C10orf105: variants seen among roughly 807,000 people sequenced by gnomAD.
The protein encoded by C10orf105 is chromosome 10 open reading frame 105.
C10orf105 carries 2 observed loss-of-function variants against 0.6 expected under a neutral mutation model. The observed-to-expected ratio is 3.18, with a 90% CI of 1.30 to 10.01. C10orf105 has a LOEUF of 10.01. C10orf105 is among the 30% of genes most tolerant of loss of function. The probability of loss-of-function intolerance (pLI) is 0.04; values close to 1 mark genes in which losing one functional copy is unlikely to be tolerated. For missense variants in C10orf105, 209 were observed against 191.4 expected, an observed-to-expected ratio of 1.09 and a Z score of -0.54; for synonymous variants, 95 against 82.4, an observed-to-expected ratio of 1.15 and a Z score of -0.83.
At chr10:71,718,094 G>C (rs1014458160) in intron 1 of C10orf105, among the ~76,000 whole-genome samples, 1 of 152,122 alleles carries the variant, frequency 6.6e-6, no homozygotes, top group South Asian at 2.1e-4. Flanking sequence ...TTTTCATGAG[G>C]GTGGGGGATA....
upstream of C10orf105, among the ~76,000 whole-genome samples, chr10:71,723,119 A>G (rs542150920): frequency 1.3e-5 from 2 of 152,288 alleles, no homozygotes; most frequent in South Asian, 4.1e-4. Context: ...TGGTGAGACA[A>G]GAAGGGGCAG....
Position 71,714,209 on chromosome 10 carries a change from GGA to G in C10orf105, c.*1725_*1726del, listed in dbSNP as rs1186240543. The G allele has an allele frequency of 6.6e-6, 1 of 152,084 alleles. No homozygotes were observed. Among genetic ancestry groups the G allele is most frequent in the Non-Finnish European group, 1.5e-5 (1 of 68,016 alleles). 9.4% of individuals were successfully genotyped at this position (152,084 alleles called of 1,614,324 possible). A position where few individuals can be genotyped will look rare whatever the true frequency, so the allele number is the denominator to read the frequency against. On this transcript the variant is annotated 3_prime_UTR_variant, in exon 2 of 2. Transcript: ENST00000441508. ...TGGGCTTCTCCAATAGAGCCTGCTT[GGA>G]GAGAAATCTTTCTAGAGTCATCTGA...
rs184383942 is a variant in C10orf105 at position 71,713,480 on chromosome 10, G to A, written c.*2456C>T. On this transcript the variant is annotated 3_prime_UTR_variant, in exon 2 of 2. Coordinates refer to ENST00000441508, the MANE Select transcript of C10orf105 (RefSeq NM_001164375.3). ...GCCTGCCCACTGGGGCAGGCTCCCG[G>A]GCTTGGGAGGGACAGAAGCGTGGGA... is the stretch of plus-strand genomic sequence containing the variant. 5.2e-5 allele frequency: 30 copies of A among 577,568 alleles called. No homozygotes were observed. Among genetic ancestry groups the A allele is most frequent in the African/African-American group, 7.5e-5 (4 of 53,408 alleles). 35.8% of individuals were successfully genotyped at this position (577,568 alleles called of 1,614,324 possible). A position where few individuals can be genotyped will look rare whatever the true frequency, so the allele number is the denominator to read the frequency against.
intron 1 of C10orf105, chr10:71,717,952 C>G (rs948984040): frequency 6.6e-6 from 1 of 152,190 alleles, no homozygotes; most frequent in Non-Finnish European, 1.5e-5. Context: ...ACAGGCCAAA[C>G]CAAACACATA....
chr10:71,724,110 G>A, upstream of C10orf105: 2 of 1,556,054 alleles, frequency 1.3e-6, no homozygotes, highest in Non-Finnish European at 1.7e-6. Context: ...TCCATGGTAA[G>A]TGGGGCTGCC....
chr10:71,731,048 A>G lies in C10orf105; in HGVS notation c.-6+6680T>C, dbSNP rs1216398033. 2.0e-5 allele frequency among the ~76,000 whole-genome samples: 3 copies of G among 152,160 alleles called. No homozygotes were observed. In the East Asian group the frequency reaches 5.8e-4, roughly 29 times the overall value. ...CCCCTGACCCTGTACAAGGGGCAGT[A>G]CCCTTCCTGTGCCGCAGGGCAGTAG... On this transcript the variant is annotated intron_variant, in intron 1 of 1. Coordinates refer to the C10orf105 transcript ENST00000398786.
At chr10:71,725,155 G>A (rs545969131) in intron 1 of C10orf105, among the ~76,000 whole-genome samples, 181 of 152,314 alleles carry the variant, frequency 1.2e-3, no homozygotes, top group African/African-American at 4.0e-3. Context: ...AGGCCTTCCC[G>A]GAGCAGGTGA....
At chr10:71,716,699 G>T (rs1464991461) in intron 1 of C10orf105, 1 of 207,636 alleles carries the variant, frequency 4.8e-6, no homozygotes, top group Non-Finnish European at 9.5e-6. Flanking sequence ...TCAATAACTT[G>T]CTCTGTGGCC....
rs899168175 is a variant in C10orf105 at position 71,713,535 on chromosome 10, G to A, written c.*2401C>T. 2 of 509,180 alleles carry A rather than the reference G, an allele frequency of 3.9e-6. No homozygotes were observed. Among genetic ancestry groups the A allele is most frequent in the Admixed American group, 7.1e-5 (2 of 28,200 alleles). The allele number at this position is 509,180 out of a possible 1,614,324, so 31.5% of individuals were successfully genotyped here. On this transcript the variant is annotated 3_prime_UTR_variant, in exon 2 of 2. Transcript: ENST00000441508. ...GGCAATGCTCCCCTCCCTGCATCGGGACCAGGAGGCGGGCAGGAAAGGGCT... is the reference window on the plus strand; with the variant it reads ...GGCAATGCTCCCCTCCCTGCATCGGAACCAGGAGGCGGGCAGGAAAGGGCT...
At position 71,712,872 on chromosome 10, in the gene C10orf105, G is replaced by A. The variant is rs950530239; in HGVS notation, c.*3064C>T. ...GGCTGGGGGAGGCGGAGCCACACAC[G>A]GCCCTGAGGGCACATGCTCAGTGGC... is the stretch of plus-strand genomic sequence containing the variant. On this transcript the variant is annotated 3_prime_UTR_variant, in exon 2 of 2. Coordinates refer to ENST00000441508, the MANE Select transcript of C10orf105 (RefSeq NM_001164375.3). The A allele has an allele frequency of 5.6e-5, 88 of 1,565,436 alleles. No individual in the cohort carries two copies. Among genetic ancestry groups the A allele is most frequent in the African/African-American group, 2.8e-4 (21 of 73,994 alleles).
At chr10:71,718,920 GT>G (rs1364371995) in intron 1 of C10orf105, among the ~76,000 whole-genome samples, 1 of 151,812 alleles carries the variant, frequency 6.6e-6, no homozygotes, top group Non-Finnish European at 1.5e-5. Context: ...AAAAAAAAAG[GT>G]TTTTTAATTA....
chr10:71,717,729 C>G (rs1245472468), intron 1 of C10orf105: 1 of 152,172 alleles, frequency 6.6e-6, no homozygotes. Flanking sequence ...GAGTGCAGGC[C>G]CAGTGTGGTC....
chr10:71,728,144 T>C (rs1589378749), intron 1 of C10orf105, among the ~76,000 whole-genome samples: 1 of 152,230 alleles, frequency 6.6e-6, no homozygotes, highest in South Asian at 2.1e-4. Context: ...GAGTGGTTAG[T>C]TTCTGTTTAC....
At chr10:71,733,953 G>C (rs984207014) in intron 1 of C10orf105, among the ~76,000 whole-genome samples, 1 of 152,214 alleles carries the variant, frequency 6.6e-6, no homozygotes, top group Non-Finnish European at 1.5e-5. Context: ...ACTAATCCAG[G>C]ATGCAAATCA....
upstream of C10orf105, among the ~76,000 whole-genome samples, chr10:71,720,041 C>G (rs1237708049): frequency 6.6e-6 from 1 of 152,226 alleles, no homozygotes; most frequent in Non-Finnish European, 1.5e-5. Context: ...ATGGCGCTCA[C>G]CTTCCCCTGT....
chr10:71,731,035 T>C (rs552146255), intron 1 of C10orf105, among the ~76,000 whole-genome samples: 1 of 152,302 alleles, frequency 6.6e-6, no homozygotes, highest in South Asian at 2.1e-4. Context: ...CCTGACCCTG[T>C]ACAAGGGGCA....
At chr10:71,723,852 G>T (rs983124989), upstream of C10orf105, among the ~76,000 whole-genome samples, 1 of 152,162 alleles carries the variant, frequency 6.6e-6, no homozygotes, top group Non-Finnish European at 1.5e-5. Flanking sequence ...GGCCATCAGC[G>T]GTCGGACATC....
Position 71,713,597 on chromosome 10 carries a change from C to A in C10orf105, c.*2339G>T. ...AGCTGACTCCCAGAAACACAGAGAG[C>A]CCAGAAAGCCCTGAGGATTTGCGAG... is the stretch of plus-strand genomic sequence containing the variant. On this transcript the variant is annotated 3_prime_UTR_variant, in exon 2 of 2. Coordinates refer to ENST00000441508, the MANE Select transcript of C10orf105 (RefSeq NM_001164375.3). 1 of 381,494 alleles carries A rather than the reference C, an allele frequency of 2.6e-6. No individual in the cohort carries two copies. Among genetic ancestry groups the A allele is most frequent in the East Asian group, 5.6e-5 (1 of 17,822 alleles). The allele number at this position is 381,494 out of a possible 1,614,324, so 23.6% of individuals were successfully genotyped here.
chr10:71,713,209 C>T lies in C10orf105; in HGVS notation c.*2727G>A. ...AGAGCTGCTTTCACAGAGCCCTTGG[C>T]CGAGGCTCCCCTCTTGGGAAGTAAA... On this transcript the variant is annotated 3_prime_UTR_variant, in exon 2 of 2. Transcript: ENST00000441508. 2 of 779,186 alleles carry T rather than the reference C, an allele frequency of 2.6e-6. No individual in the cohort carries two copies. Among genetic ancestry groups the T allele is most frequent in the Non-Finnish European group, 4.8e-6 (2 of 417,784 alleles). 48.3% of individuals were successfully genotyped at this position (779,186 alleles called of 1,614,324 possible).
Sources: allele counts gnomAD v4.1 joint callset (sites outside exome capture counted in the v4.1 genomes callset), GRCh38; gene constraint gnomAD v4.1.1; transcripts MANE v1.5; gene names NCBI Gene and HGNC (gene_info 2026-07-23, HGNC 2026-07-21).